BRINP1: variants seen among roughly 807,000 people sequenced by gnomAD.
The protein encoded by BRINP1 is BMP/retinoic acid inducible neural specific 1.
A neutral mutation model predicts 72.9 loss-of-function variants in BRINP1; 17 were observed. The observed-to-expected ratio is 0.23, with a 90% CI of 0.16 to 0.35. The LOEUF (loss-of-function observed/expected upper bound fraction) is 0.35. Among genes scored for constraint, BRINP1 ranks in the 10% least tolerant of loss-of-function variants. The probability of loss-of-function intolerance (pLI) is 1.00; values close to 1 mark genes in which losing one functional copy is unlikely to be tolerated. For missense variants in BRINP1, 850 were observed against 1,001.6 expected (o/e 0.85, Z 2.04); for synonymous variants, 418 against 378.5 (o/e 1.10, Z -1.21).
At chr9:119,179,273 CT>C (rs1350824263) in intron 7 of BRINP1, among the ~76,000 whole-genome samples, 55 of 152,170 alleles carry the variant, frequency 3.6e-4, no homozygotes, top group Admixed American at 3.5e-3. Context: ...GCAGCCAAAG[CT>C]GAGATGCAAT....
At chr9:119,243,418 G>A (rs1357350791) in intron 3 of BRINP1, among the ~76,000 whole-genome samples, 3 of 152,116 alleles carry the variant, frequency 2.0e-5, no homozygotes, top group Non-Finnish European at 4.4e-5. Flanking sequence ...ATTCCATGGT[G>A]TATATGTACC....
intron 1 of BRINP1, among the ~76,000 whole-genome samples, chr9:119,364,758 G>A (rs1368911308): frequency 6.6e-6 from 1 of 152,170 alleles, no homozygotes; most frequent in Non-Finnish European, 1.5e-5. Flanking sequence ...TGGAAAGAAC[G>A]ACTACATGAG....
intron 2 of BRINP1, among the ~76,000 whole-genome samples, chr9:119,281,472 G>A (rs1830711289): frequency 6.6e-6 from 1 of 152,098 alleles, no homozygotes; most frequent in African/African-American, 2.4e-5. Flanking sequence ...AGTAAAGAAG[G>A]GATCAGGGAG....
chr9:119,186,150 G>A (rs1221349079), intron 7 of BRINP1, among the ~76,000 whole-genome samples: 1 of 152,142 alleles, frequency 6.6e-6, no homozygotes, highest in Non-Finnish European at 1.5e-5. Context: ...GCCTAGGCTC[G>A]GTGGAGCAGG....
At chr9:119,207,397 A>G (rs1829870022) in intron 7 of BRINP1, among the ~76,000 whole-genome samples, 3 of 152,234 alleles carry the variant, frequency 2.0e-5, no homozygotes, top group Admixed American at 2.0e-4. Flanking sequence ...AAGTAATGGC[A>G]AAACTTAAAA....
At chr9:119,264,348 T>G (rs1830527250) in intron 2 of BRINP1, among the ~76,000 whole-genome samples, 1 of 152,226 alleles carries the variant, frequency 6.6e-6, no homozygotes, top group Non-Finnish European at 1.5e-5. Flanking sequence ...TCCCCCTGAT[T>G]CTACCTTGAC....
chr9:119,296,325 C>G (rs1830876951), intron 2 of BRINP1, among the ~76,000 whole-genome samples: 1 of 152,052 alleles, frequency 6.6e-6, no homozygotes, highest in African/African-American at 2.4e-5. Context: ...AAATGTAAAT[C>G]AAAACCACAA....
intron 1 of BRINP1, among the ~76,000 whole-genome samples, chr9:119,327,488 G>A (rs1279890860): frequency 6.6e-6 from 1 of 152,168 alleles, no homozygotes; most frequent in Non-Finnish European, 1.5e-5. Context: ...GGGATCACAG[G>A]GAACCATGGG....
intron 1 of BRINP1, among the ~76,000 whole-genome samples, chr9:119,355,527 G>C (rs910231221): frequency 3.3e-5 from 5 of 152,086 alleles, no homozygotes; most frequent in Admixed American, 2.0e-4. Context: ...AGGAGATTGA[G>C]ACCATCCTGG....
intron 1 of BRINP1, among the ~76,000 whole-genome samples, chr9:119,328,358 G>C (rs1417130058): frequency 1.3e-5 from 2 of 152,198 alleles, no homozygotes; most frequent in Non-Finnish European, 2.9e-5. Context: ...TGGAGACACA[G>C]AGTATACAGT....
chr9:119,169,572 C>T (rs1371523198), intron 7 of BRINP1, among the ~76,000 whole-genome samples: 1 of 152,244 alleles, frequency 6.6e-6, no homozygotes, highest in South Asian at 2.1e-4. Context: ...CCGCCATTGC[C>T]CAGGCTTGAT....
In BRINP1 at chr9:119,205,708, T is replaced by A. The variant is rs190322149; in HGVS notation, c.1145+3011A>T. On this transcript the variant is annotated intron_variant, in intron 7 of 7. Transcript: ENST00000265922. Reference sequence around the variant, plus strand: ...CTTCCCTTGAACTTAGCATATCTGATGATGCTTGGTGTTCTGGAGATTTCA... The same window carrying A: ...CTTCCCTTGAACTTAGCATATCTGAAGATGCTTGGTGTTCTGGAGATTTCA... 4.2e-3 allele frequency among the ~76,000 whole-genome samples: 641 copies of A among 152,292 alleles called. 4 individuals carry two copies. The highest frequency in any genetic ancestry group is 7.6e-3 in the Non-Finnish European group (517 of 68,024).
chr9:119,249,056 T>G lies in BRINP1; in HGVS notation c.313A>C (p.Ile105Leu). 6.2e-7 allele frequency: 1 copy of G among 1,614,148 alleles called. No homozygotes were observed. The highest frequency in any genetic ancestry group is 8.5e-7 in the Non-Finnish European group (1 of 1,180,020). Residue 105 changes from isoleucine to leucine, a missense_variant, in exon 3 of 8, where the codon ATC becomes CTC. Transcript: ENST00000265922. ...GTAGGTCTCCTGCCAAGCAGGCGGA[T>G]GCTCCTTTGAAACTCCGGCATGAGG... ...VPLMPEFQRS[I>L]RLLGRRPTTQ... is the part of the protein sequence containing the mutation.
intron 1 of BRINP1, among the ~76,000 whole-genome samples, chr9:119,338,589 G>A (rs995302651): frequency 3.3e-5 from 5 of 151,800 alleles, no homozygotes; most frequent in Admixed American, 2.0e-4. Context: ...CAGGCGGGGT[G>A]GGGGCGGGCG....
At chr9:119,251,620 A>G (rs1564229132) in intron 2 of BRINP1, among the ~76,000 whole-genome samples, 2 of 152,024 alleles carry the variant, frequency 1.3e-5, no homozygotes, top group South Asian at 4.2e-4. Flanking sequence ...CAACAAAAAA[A>G]CTAACCATGG....
intron 2 of BRINP1, among the ~76,000 whole-genome samples, chr9:119,255,255 G>A (rs896487566): frequency 2.6e-5 from 4 of 152,214 alleles, no homozygotes; most frequent in African/African-American, 4.8e-5. Flanking sequence ...CCTTGGAGGA[G>A]AAGGCAGAAC....
chr9:119,367,221 G>GTGATATATATATATATAT (rs1564259756), intron 1 of BRINP1, among the ~76,000 whole-genome samples: 1,390 of 99,650 alleles, frequency 0.014, 38 homozygotes, highest in Non-Finnish European at 0.017. Context: ...GTGTGTGATT[G>GTGATATATATATATATAT]ATATATATAT....
rs753952514 is a variant in BRINP1 at position 119,208,773 on chromosome 9, A to G, written c.1091T>C (p.Phe364Ser). 6.2e-7 allele frequency: 1 copy of G among 1,614,028 alleles called. No homozygotes were observed. Among genetic ancestry groups the G allele is most frequent in the South Asian group, 1.1e-5 (1 of 91,074 alleles). ...QKIQRTARKL[F>S]GLSVRCRHNP... The stretch of plus-strand genomic sequence containing the variant: ...GTGGCGACAGCGTACACTGAGGCCG[A>G]AAAGCTTGCGGGCAGTGCGTTGGAT... Residue 364 changes from phenylalanine (F) to serine (S), a missense_variant, in exon 7 of 8, where the codon TTC becomes TCC. By Grantham distance (155) the Phe-to-Ser change is radical (BLOSUM62 -2). Coordinates refer to ENST00000265922, the MANE Select transcript of BRINP1 (RefSeq NM_014618.3).
intron 1 of BRINP1, among the ~76,000 whole-genome samples, chr9:119,341,100 A>C (rs887582455): frequency 2.0e-5 from 3 of 152,110 alleles, no homozygotes; most frequent in Admixed American, 2.0e-4. Context: ...TTCATCTCTC[A>C]ACAAGTCTAC....
Sources: gnomAD v4.1 joint callset for allele counts (sites outside exome capture counted in the v4.1 genomes callset) on GRCh38, gnomAD v4.1.1 for gene constraint, MANE v1.5 for transcripts, NCBI Gene and HGNC (gene_info 2026-07-23, HGNC 2026-07-21) for gene names.